INO80D: variants seen among roughly 807,000 people sequenced by gnomAD.
INO80D encodes INO80 complex subunit D.
Under a neutral mutation model 87.6 loss-of-function variants are expected in INO80D, and 21 were observed. The ratio of observed to expected loss-of-function variants is 0.24; its 90% CI spans 0.17 to 0.35. INO80D has a LOEUF of 0.35. INO80D is among the 10% of genes least tolerant of loss of function. The pLI, the probability that INO80D is intolerant of heterozygous loss-of-function variation, is 1.00. For synonymous variants in INO80D, 440 were observed against 491.0 expected, an observed-to-expected ratio of 0.90 and a Z score of 1.37; for missense variants, 982 against 1,280.7, an observed-to-expected ratio of 0.77 and a Z score of 3.56.
At chr2:206,021,673 T>C (rs1688467865) in intron 6 of INO80D, among the ~76,000 whole-genome samples, 1 of 152,180 alleles carries the variant, frequency 6.6e-6, no homozygotes, top group Admixed American at 6.5e-5. Context: ...AGTGCAATGG[T>C]GCGATCTCGA....
At chr2:206,029,069 T>TA (rs1688695452) in intron 5 of INO80D, among the ~76,000 whole-genome samples, 1 of 152,030 alleles carries the variant, frequency 6.6e-6, no homozygotes, top group South Asian at 2.1e-4. Context: ...TTTGTATTTT[T>TA]AATAGAGACG....
chr2:206,033,580 G>A (rs995753958), intron 5 of INO80D, among the ~76,000 whole-genome samples: 1 of 152,106 alleles, frequency 6.6e-6, no homozygotes, highest in Non-Finnish European at 1.5e-5. Context: ...CTTGGATACA[G>A]CAAAGGCAGT....
At chr2:206,071,814 T>C (rs1159795665) in intron 1 of INO80D, among the ~76,000 whole-genome samples, 1 of 152,104 alleles carries the variant, frequency 6.6e-6, no homozygotes, top group Middle Eastern at 3.4e-3. Flanking sequence ...CCTTCCACCA[T>C]AGGAACTATT....
chr2:206,026,850 A>AT (rs1688628499), intron 6 of INO80D, among the ~76,000 whole-genome samples: 1 of 152,020 alleles, frequency 6.6e-6, no homozygotes, highest in Non-Finnish European at 1.5e-5. Flanking sequence ...TGATATACAG[A>AT]TTTTCACGAA....
chr2:206,047,330 T>C (rs936377124), intron 4 of INO80D, among the ~76,000 whole-genome samples: 17 of 152,212 alleles, frequency 1.1e-4, no homozygotes, highest in African/African-American at 3.9e-4. Context: ...GTGATTCTCA[T>C]GCCTCAGCCT....
In INO80D at chr2:206,004,225, C is replaced by T. The variant is rs959164631; in HGVS notation, c.*143G>A. On this transcript the variant is annotated 3_prime_UTR_variant, in exon 11 of 11. Transcript: ENST00000403263. The surrounding 1 kb of genome is among the most constrained non-coding windows in gnomAD (Gnocchi z 4.9). ...CACTGTAGCGAGGTCCACTGCAGGG[C>T]CACTCATTGAACTGGGAAGGGGGGT... 4 of 734,934 alleles carry T rather than the reference C, an allele frequency of 5.4e-6. No individual in the cohort carries two copies. Among genetic ancestry groups the T allele is most frequent in the African/African-American group, 5.3e-5 (3 of 56,468 alleles). 45.5% of individuals were successfully genotyped at this position (734,934 alleles called of 1,614,324 possible). A position where few individuals can be genotyped will look rare whatever the true frequency, so the allele number is the denominator to read the frequency against.
At chr2:206,040,529 G>A in intron 5 of INO80D, 1 of 229,006 alleles carries the variant, frequency 4.4e-6, no homozygotes. Context: ...ATTAATGATG[G>A]CACCTCAGAC....
At chr2:206,049,422 T>C (rs936563205) in intron 4 of INO80D, among the ~76,000 whole-genome samples, 4 of 152,224 alleles carry the variant, frequency 2.6e-5, no homozygotes, top group Non-Finnish European at 5.9e-5. Flanking sequence ...CAAAGTGACA[T>C]TTAAGGCACC....
intron 1 of INO80D, among the ~76,000 whole-genome samples, chr2:206,071,257 CTTTTTTTTTTTTTTTTTTTTT>C (rs60979396): frequency 1.2e-5 from 1 of 81,978 alleles, no homozygotes; most frequent in African/African-American, 5.0e-5. Flanking sequence ...CACGCCCGGC[CTTTTTTTTTTTTTTTTTTTTT>C]TTTTTTTTTT....
At position 206,004,806 on chromosome 2, in the gene INO80D, G is replaced by A. The variant is rs1318955916; in HGVS notation, c.2646C>T (p.Gly882=). The A allele has an allele frequency of 4.3e-6, 7 of 1,613,870 alleles. No individual in the cohort carries two copies. The highest frequency in any genetic ancestry group is 5.9e-6 in the Non-Finnish European group (7 of 1,179,888). The change falls in exon 11 of 11, where the codon GGC becomes GGT. Residue 882 remains glycine, a synonymous_variant. Coordinates refer to ENST00000403263, the MANE Select transcript of INO80D (RefSeq NM_017759.5). This position sits in a 1 kb window ranked among gnomAD's most constrained non-coding sequence, Gnocchi z 4.9. ...LPTQLEVPLG[G]VVNPRTHWGN... ...CCCAGTGAGTTCTGGGGTTTACCAC[G>A]CCTCCAAGTGGCACCTCAAGTTGGG... is the stretch of plus-strand genomic sequence containing the variant.
Position 206,005,117 on chromosome 2 carries a change from C to A in INO80D, c.2335G>T (p.Ala779Ser). 1 of 1,613,970 alleles carries A rather than the reference C, an allele frequency of 6.2e-7. No homozygotes were observed. The highest frequency in any genetic ancestry group is 8.5e-7 in the Non-Finnish European group (1 of 1,179,870). The change falls in exon 11 of 11, where the codon GCC (alanine) becomes TCC (serine). Residue 779 changes from alanine to serine, a missense_variant. Transcript: ENST00000403263. ...LISQSALGERAFPGQFHGLHD... is the reference protein window; with the variant it reads ...LISQSALGERSFPGQFHGLHD... ...AGTCCATGAAACTGTCCTGGGAAGG[C>A]TCTCTCCCCAAGTGCACTCTGGCTG...
intron 6 of INO80D, among the ~76,000 whole-genome samples, chr2:206,025,294 G>A (rs1223909471): frequency 2.0e-5 from 3 of 150,936 alleles, no homozygotes; most frequent in South Asian, 2.1e-4. Context: ...TTGGGAGGCC[G>A]AGGTGGGTGG....
At position 206,056,368 on chromosome 2, in the gene INO80D, G is replaced by T. The variant is rs1306226508; in HGVS notation, c.794C>A (p.Pro265His). 1 of 1,613,944 alleles carries T rather than the reference G, an allele frequency of 6.2e-7. No individual in the cohort carries two copies. The highest frequency in any genetic ancestry group is 8.5e-7 in the Non-Finnish European group (1 of 1,179,872). The change falls in exon 4 of 11, where the codon CCC becomes CAC. Residue 265 changes from proline (P) to histidine (H), a missense_variant. Pro to His is a moderately conservative substitution (Grantham distance 77, BLOSUM62 -2). Coordinates refer to ENST00000403263, the MANE Select transcript of INO80D (RefSeq NM_017759.5). ...ARQLSHKRPL[P>H]LLPSSRAPTV... ...GGGAGCCCTACTGGATGGCAGGAGG[G>T]GCAGAGGCCTCTTGTGAGACAACTG...
chr2:206,044,347 A>G (rs1689136494), intron 5 of INO80D, among the ~76,000 whole-genome samples: 1 of 152,130 alleles, frequency 6.6e-6, no homozygotes, highest in Non-Finnish European at 1.5e-5. Flanking sequence ...TGACTGGAGC[A>G]TAATAGCCCA....
At chr2:206,063,683 A>T (rs1158925811) in intron 1 of INO80D, 1 of 152,296 alleles carries the variant, frequency 6.6e-6, no homozygotes, top group Non-Finnish European at 1.5e-5. Flanking sequence ...GAGAGTGAAG[A>T]TCTGTCTCAA....
In INO80D at chr2:206,028,186, T is replaced by C; in HGVS notation, c.1223A>G (p.Gln408Arg). 6.2e-7 allele frequency: 1 copy of C among 1,603,948 alleles called. No homozygotes were observed. Among genetic ancestry groups the C allele is most frequent in the Non-Finnish European group, 8.5e-7 (1 of 1,175,254 alleles). ...GCATTCTGGTTCTTTACTGGCCGCC[T>C]GCAGCAAAGCTTTCCTAAACGTATG... ...CRHTFRKALL[Q>R]AASKEPECTG... is the part of the protein sequence containing the mutation. Residue 408 changes from glutamine (Q) to arginine (R), a missense_variant, in exon 6 of 11, where the codon CAG (glutamine) becomes CGG (arginine). Transcript: ENST00000403263.
At chr2:206,009,858 A>C (rs1004305344) in intron 8 of INO80D, 64 bp from the exon 9 acceptor site, 52 of 1,308,342 alleles carry the variant, frequency 4.0e-5, no homozygotes, top group Non-Finnish European at 5.2e-5. Context: ...CAGCTACCTA[A>C]AAAATACTTA....
At position 206,034,362 on chromosome 2, in the gene INO80D, GAATCCAACAACTTATCA is replaced by G. The variant is rs536149519; in HGVS notation, c.1074-6044_1074-6028del. Among the ~76,000 whole-genome samples the G allele has an allele frequency of 2.0e-5, 3 of 152,158 alleles. No homozygotes were observed. In the East Asian group the frequency reaches 5.8e-4, roughly 29 times the overall value. Reference sequence around the variant, plus strand: ...ACCCTTAACAAAATATTACCTAACCGAATCCAACAACTTATCAAAAAGATAATTCACCATGATCAAGT... The same window carrying G: ...ACCCTTAACAAAATATTACCTAACCGAAAAGATAATTCACCATGATCAAGT... On this transcript the variant is annotated intron_variant, in intron 5 of 10. Coordinates refer to ENST00000403263, the MANE Select transcript of INO80D (RefSeq NM_017759.5).
intron 5 of INO80D, among the ~76,000 whole-genome samples, chr2:206,043,068 CTG>C (rs1689096093): frequency 1.3e-5 from 2 of 152,260 alleles, no homozygotes; most frequent in South Asian, 4.1e-4. Context: ...GGCCAGACAA[CTG>C]TCAGTTTTCT....
Sources: allele counts gnomAD v4.1 joint callset (sites outside exome capture counted in the v4.1 genomes callset), GRCh38; gene constraint gnomAD v4.1.1; non-coding constraint Gnocchi (gnomAD v3.1); transcripts MANE v1.5; gene names NCBI Gene and HGNC (gene_info 2026-07-23, HGNC 2026-07-21).